Variants in DLG2 observed in about 807,000 individuals in gnomAD.
The protein encoded by DLG2 is disks large homolog 2.
A neutral mutation model predicts 132.5 loss-of-function variants in DLG2; 45 were observed. That is an observed-to-expected ratio of 0.34 (90% CI 0.27 to 0.44). The LOEUF is 0.44. Ranked by LOEUF, DLG2 falls within the 20% of genes least tolerant of loss-of-function variation. DLG2 has a pLI of 1.00. For synonymous variants in DLG2, 424 were observed against 419.6 expected (o/e 1.01, Z -0.13); for missense variants, 1,045 against 1,196.9 (o/e 0.87, Z 1.87).
rs150051623 is a variant in DLG2, at chr11:84,728,621, G to T, written c.358-193890C>A. ...TGGCCTCATGAAATGAGTTAGGGAG[G>T]ATTCCCTCTTTTTCTATTGTTTGGA... On this transcript the variant is annotated intron_variant, in intron 6 of 27. Transcript: ENST00000376104. 2.2e-3 allele frequency among the ~76,000 whole-genome samples: 330 copies of T among 152,260 alleles called. 2 individuals are homozygous for T. Among genetic ancestry groups the T allele is most frequent in the African/African-American group, 7.8e-3 (322 of 41,540 alleles).
chr11:84,140,906 T>C (rs1304811727), intron 9 of DLG2, among the ~76,000 whole-genome samples: 2 of 152,162 alleles, frequency 1.3e-5, no homozygotes, highest in Non-Finnish European at 2.9e-5. Context: ...ATCTTAGTGA[T>C]TTAAGACAGA....
At chr11:84,689,691 T>G (rs2057793304) in intron 6 of DLG2, among the ~76,000 whole-genome samples, 1 of 152,176 alleles carries the variant, frequency 6.6e-6, no homozygotes, top group East Asian at 1.9e-4. Context: ...GTCATTTTGC[T>G]CATCATTAAA....
chr11:85,406,997 G>A (rs1413490933), intron 3 of DLG2, among the ~76,000 whole-genome samples: 1 of 151,908 alleles, frequency 6.6e-6, no homozygotes, highest in Non-Finnish European at 1.5e-5. Context: ...AAGAGTCATG[G>A]AGATATTGGA....
intron 7 of DLG2, among the ~76,000 whole-genome samples, chr11:84,382,626 A>T (rs1198788256): frequency 6.6e-6 from 1 of 152,176 alleles, no homozygotes; most frequent in Non-Finnish European, 1.5e-5. Flanking sequence ...TTGTTTTATC[A>T]TAACCATTTG....
At chr11:83,731,671 T>C (rs2091035278) in intron 18 of DLG2, among the ~76,000 whole-genome samples, 1 of 152,212 alleles carries the variant, frequency 6.6e-6, no homozygotes, top group Non-Finnish European at 1.5e-5. Context: ...GATTGCTGGG[T>C]CAAATGATAT....
intron 6 of DLG2, among the ~76,000 whole-genome samples, chr11:84,635,994 A>C (rs2099639914): frequency 6.6e-6 from 1 of 152,214 alleles, no homozygotes; most frequent in African/African-American, 2.4e-5. Flanking sequence ...AAAATGTAGA[A>C]CTTGGTAGTT....
At chr11:85,408,211 T>C (rs1372771408) in intron 3 of DLG2, among the ~76,000 whole-genome samples, 3 of 149,588 alleles carry the variant, frequency 2.0e-5, no homozygotes, top group South Asian at 4.2e-4. Context: ...GATTTTGGAA[T>C]TATTTTCTTT....
intron 9 of DLG2, among the ~76,000 whole-genome samples, chr11:84,104,738 G>C (rs558710398): frequency 6.6e-6 from 1 of 151,932 alleles, no homozygotes; most frequent in South Asian, 2.1e-4. Context: ...ATTAATAATA[G>C]TAAAATTGCT....
intron 17 of DLG2, among the ~76,000 whole-genome samples, chr11:83,801,980 T>C (rs567265176): frequency 1.3e-5 from 2 of 152,206 alleles, no homozygotes; most frequent in Non-Finnish European, 2.9e-5. Flanking sequence ...ATTAGAGTCC[T>C]TTTCAGAAGG....
chr11:83,680,506 T>C (rs983161079), intron 18 of DLG2, among the ~76,000 whole-genome samples: 15 of 152,156 alleles, frequency 9.9e-5, no homozygotes, highest in African/African-American at 3.6e-4. Context: ...TTAATCATTA[T>C]TGCTCTATCC....
chr11:85,558,807 G>A (rs545916899), intron 3 of DLG2, among the ~76,000 whole-genome samples: 5 of 151,856 alleles, frequency 3.3e-5, no homozygotes, highest in African/African-American at 9.6e-5. Context: ...GTAAGGAGTC[G>A]GGCAAAGGTT....
chr11:84,869,863 G>A (rs1341629023), intron 6 of DLG2, among the ~76,000 whole-genome samples: 2 of 152,180 alleles, frequency 1.3e-5, no homozygotes. Context: ...TTTAAATTAG[G>A]TATTTCAGGG....
intron 18 of DLG2, among the ~76,000 whole-genome samples, chr11:83,762,675 G>T (rs766869409): frequency 3.9e-5 from 6 of 151,990 alleles, no homozygotes; most frequent in Non-Finnish European, 8.8e-5. Context: ...CCGCCTCCTG[G>T]GTTCATGCCA....
At chr11:85,614,170 C>G (rs1186007389) in intron 2 of DLG2, among the ~76,000 whole-genome samples, 1 of 152,222 alleles carries the variant, frequency 6.6e-6, no homozygotes, top group Non-Finnish European at 1.5e-5. Context: ...AGAATCCACT[C>G]ATTCCAGACA....
intron 4 of DLG2, among the ~76,000 whole-genome samples, chr11:85,230,379 C>T (rs374622691): frequency 1.3e-5 from 2 of 150,350 alleles, no homozygotes; most frequent in Admixed American, 6.7e-5. Flanking sequence ...CTTCCTTCAA[C>T]GTGTCTTAGT....
At chr11:85,528,513 A>C (rs1050343535) in intron 3 of DLG2, among the ~76,000 whole-genome samples, 1 of 152,238 alleles carries the variant, frequency 6.6e-6, no homozygotes, top group Non-Finnish European at 1.5e-5. Context: ...ATGAAGCAGT[A>C]GGAAATCTCA....
At chr11:83,701,532 T>C (rs1213707253) in intron 18 of DLG2, among the ~76,000 whole-genome samples, 2 of 152,224 alleles carry the variant, frequency 1.3e-5, no homozygotes, top group Non-Finnish European at 2.9e-5. Flanking sequence ...GACATAGTCC[T>C]TGTACACAGA....
intron 6 of DLG2, among the ~76,000 whole-genome samples, chr11:84,850,903 T>C (rs978109462): frequency 2.0e-5 from 3 of 152,066 alleles, no homozygotes; most frequent in African/African-American, 7.2e-5. Flanking sequence ...TCTGACCAAC[T>C]AAAAAGACAG....
At chr11:85,019,765 A>G (rs556344219) in intron 6 of DLG2, among the ~76,000 whole-genome samples, 1 of 152,282 alleles carries the variant, frequency 6.6e-6, no homozygotes, top group African/African-American at 2.4e-5. Flanking sequence ...GATGGTTTCC[A>G]GCTTCATCCA....
Sources: gnomAD v4.1 joint callset for allele counts (sites outside exome capture counted in the v4.1 genomes callset) on GRCh38, gnomAD v4.1.1 for gene constraint, MANE v1.5 for transcripts, NCBI Gene and HGNC (gene_info 2026-07-23, HGNC 2026-07-21) for gene names.